Variants in ADARB2 observed in about 807,000 individuals in gnomAD.
ADARB2 encodes adenosine deaminase RNA specific B2 (inactive).
A neutral mutation model predicts 62.2 loss-of-function variants in ADARB2; 25 were observed. The ratio of observed to expected loss-of-function variants is 0.40; its 90% CI spans 0.29 to 0.56. ADARB2 has a LOEUF of 0.56. Ranked by LOEUF, ADARB2 falls within the 20% of genes least tolerant of loss-of-function variation. The pLI is 0.43. For missense variants in ADARB2, 1,071 were observed against 1,077.4 expected, an observed-to-expected ratio of 0.99 and a Z score of 0.08; for synonymous variants, 572 against 500.8, an observed-to-expected ratio of 1.14 and a Z score of -1.90.
intron 1 of ADARB2, among the ~76,000 whole-genome samples, chr10:1,506,190 G>A (rs767065237): frequency 6.6e-6 from 1 of 152,112 alleles, no homozygotes; most frequent in African/African-American, 2.4e-5. Context: ...TAATATTATG[G>A]TATTGGTCAG....
At chr10:1,665,460 C>T (rs899777310) in intron 1 of ADARB2, among the ~76,000 whole-genome samples, 6 of 152,236 alleles carry the variant, frequency 3.9e-5, no homozygotes, top group African/African-American at 1.2e-4. Flanking sequence ...TGGGCCCACC[C>T]GAGAGGACCT....
At chr10:1,733,787 A>C (rs950337518) in intron 1 of ADARB2, among the ~76,000 whole-genome samples, 3 of 152,226 alleles carry the variant, frequency 2.0e-5, no homozygotes, top group Non-Finnish European at 4.4e-5. Flanking sequence ...GAACTATAAA[A>C]TAAAGTGCAA....
chr10:1,295,810 G>T (rs1343388454), intron 3 of ADARB2, among the ~76,000 whole-genome samples: 1 of 152,100 alleles, frequency 6.6e-6, no homozygotes, highest in African/African-American at 2.4e-5. Flanking sequence ...CATTGAATAT[G>T]GGAGAAGTAC....
intron 1 of ADARB2, among the ~76,000 whole-genome samples, chr10:1,619,202 A>C (rs1238224988): frequency 6.6e-6 from 1 of 152,140 alleles, no homozygotes; most frequent in African/African-American, 2.4e-5. Context: ...AAGAGCAGAG[A>C]TCATCAGATT....
At chr10:1,224,581 C>T (rs1830728036) in intron 6 of ADARB2, among the ~76,000 whole-genome samples, 1 of 152,138 alleles carries the variant, frequency 6.6e-6, no homozygotes, top group East Asian at 1.9e-4. Context: ...AAATTTCCCT[C>T]TACACACTGC....
In ADARB2 at chr10:1,577,511, G is replaced by A. The variant is rs546563411; in HGVS notation, c.100+159540C>T. On this transcript the variant is annotated intron_variant, in intron 1 of 9. Coordinates refer to ENST00000381312, the MANE Select transcript of ADARB2 (RefSeq NM_018702.4). ...TTTGGTCTGGTGACTCTATCCAAAA[G>A]CAGTGGGGCTTGTCCCCAGACTAGC... 4.6e-5 allele frequency among the ~76,000 whole-genome samples: 7 copies of A among 152,352 alleles called. 1 individual carries two copies. Among genetic ancestry groups the A allele is most frequent in the African/African-American group, 1.7e-4 (7 of 41,588 alleles).
chr10:1,476,807 G>A (rs1228082601), intron 1 of ADARB2, among the ~76,000 whole-genome samples: 1 of 152,174 alleles, frequency 6.6e-6, no homozygotes, highest in Admixed American at 6.5e-5. Flanking sequence ...TGGATGGAAA[G>A]GGCCAGGAGG....
chr10:1,213,098 G>T (rs2131751074), intron 7 of ADARB2, among the ~76,000 whole-genome samples: 1 of 152,302 alleles, frequency 6.6e-6, no homozygotes, highest in African/African-American at 2.4e-5. Flanking sequence ...GAGATGAAGA[G>T]ATGAGATACA....
intron 4 of ADARB2, among the ~76,000 whole-genome samples, chr10:1,246,341 G>A (rs865974830): frequency 3.1e-4 from 44 of 142,092 alleles, no homozygotes; most frequent in South Asian, 7.6e-4. Flanking sequence ...CTTTAGTTTA[G>A]TTAGATCCCA....
At chr10:1,474,888 C>T (rs534115696) in intron 1 of ADARB2, among the ~76,000 whole-genome samples, 66 of 152,142 alleles carry the variant, frequency 4.3e-4, no homozygotes, top group Non-Finnish European at 8.5e-4. Flanking sequence ...CTGCGTGTCA[C>T]GGGGGGTCAC....
At chr10:1,543,234 C>T (rs1832466274) in intron 1 of ADARB2, among the ~76,000 whole-genome samples, 1 of 152,252 alleles carries the variant, frequency 6.6e-6, no homozygotes, top group South Asian at 2.1e-4. Context: ...CCGCCCTCCT[C>T]TACCAGGCCT....
At chr10:1,565,952 G>A (rs987252095) in intron 1 of ADARB2, among the ~76,000 whole-genome samples, 10 of 151,848 alleles carry the variant, frequency 6.6e-5, no homozygotes, top group African/African-American at 2.4e-4. Context: ...TGCAAGCAAA[G>A]GAAGCCAGGA....
chr10:1,213,842 T>A (rs1837193453), intron 7 of ADARB2, among the ~76,000 whole-genome samples: 1 of 152,196 alleles, frequency 6.6e-6, no homozygotes, highest in Non-Finnish European at 1.5e-5. Context: ...CCTGCCAGCG[T>A]TGTGTGGGTT....
chr10:1,364,024 G>T, intron 2 of ADARB2, 107 bp from the exon 3 acceptor site: 3 of 1,362,092 alleles, frequency 2.2e-6, no homozygotes, highest in Non-Finnish European at 2.8e-6. Context: ...CGCCGCCCGC[G>T]CCCCCAGGTC....
At chr10:1,532,355 A>C (rs1330248011) in intron 1 of ADARB2, among the ~76,000 whole-genome samples, 1 of 152,186 alleles carries the variant, frequency 6.6e-6, no homozygotes. Context: ...ATCATCTGAA[A>C]GCGTGGGAAC....
rs530554025 is a variant in ADARB2, at chr10:1,459,221, C to A, written c.101-80061G>T. On this transcript the variant is annotated intron_variant, in intron 1 of 9. Coordinates refer to ENST00000381312, the MANE Select transcript of ADARB2 (RefSeq NM_018702.4). Reference sequence around the variant, plus strand: ...AAATCATCTATCATAAAGACGTACGCACGTGTATGTTCACTGCAGCACTAC... The same window carrying A: ...AAATCATCTATCATAAAGACGTACGAACGTGTATGTTCACTGCAGCACTAC... Among the ~76,000 whole-genome samples, 24 of 152,170 alleles carry A rather than the reference C, an allele frequency of 1.6e-4. 1 individual carries two copies. The highest frequency in any genetic ancestry group is 1.4e-3 in the Admixed American group (21 of 15,278).
At chr10:1,548,104 C>A (rs1832553707) in intron 1 of ADARB2, among the ~76,000 whole-genome samples, 1 of 152,124 alleles carries the variant, frequency 6.6e-6, no homozygotes. Context: ...AAGTGACTGA[C>A]CCTCAATAAA....
intron 1 of ADARB2, among the ~76,000 whole-genome samples, chr10:1,674,475 C>T (rs149232054): frequency 2.0e-5 from 3 of 152,290 alleles, no homozygotes; most frequent in Admixed American, 6.5e-5. Context: ...ATTGATCTGG[C>T]TTGTAGTAAA....
chr10:1,669,613 G>T (rs1490004472), intron 1 of ADARB2, among the ~76,000 whole-genome samples: 1 of 145,576 alleles, frequency 6.9e-6, no homozygotes, highest in African/African-American at 2.6e-5. Flanking sequence ...CTCATACAGA[G>T]ACACACAGAC....
Sources: gnomAD v4.1 joint callset for allele counts (sites outside exome capture counted in the v4.1 genomes callset) on GRCh38, gnomAD v4.1.1 for gene constraint, MANE v1.5 for transcripts, NCBI Gene and HGNC (gene_info 2026-07-23, HGNC 2026-07-21) for gene names.